The following SOX5 variants were observed in gnomAD, a reference collection of about 807,000 sequenced individuals.
SOX5 encodes transcription factor SOX-5.
SOX5 carries 9 observed loss-of-function variants against 92.0 expected under a neutral mutation model. The ratio of observed to expected loss-of-function variants is 0.10; its 90% confidence interval spans 0.06 to 0.17. SOX5 has a LOEUF of 0.17. Ranked by LOEUF, SOX5 falls within the 10% of genes least tolerant of loss-of-function variation. The pLI, the probability that SOX5 is intolerant of heterozygous loss-of-function variation, is 1.00. For missense variants in SOX5, 642 were observed against 944.5 expected, an observed-to-expected ratio of 0.68 and a Z score of 4.20; for synonymous variants, 344 against 336.3, an observed-to-expected ratio of 1.02 and a Z score of -0.25.
chr12:24,205,149 C>G (rs1288685148), intron 4 of SOX5, among the ~76,000 whole-genome samples: 1 of 152,180 alleles, frequency 6.6e-6, no homozygotes, highest in Non-Finnish European at 1.5e-5. Flanking sequence ...AAGATCTATA[C>G]TCACATTACA....
intron 4 of SOX5, among the ~76,000 whole-genome samples, chr12:24,130,966 C>T (rs1361434105): frequency 6.6e-6 from 1 of 152,144 alleles, no homozygotes; most frequent in Non-Finnish European, 1.5e-5. Flanking sequence ...ATTCCTGAAA[C>T]CTGTACTGCC....
At chr12:24,353,693 T>G (rs1240850659) in intron 2 of SOX5, among the ~76,000 whole-genome samples, 2 of 151,930 alleles carry the variant, frequency 1.3e-5, no homozygotes, top group Non-Finnish European at 2.9e-5. Flanking sequence ...CAGGCTGGAG[T>G]GCAGTGGTGG....
chr12:24,133,331 C>T (rs1200404527), intron 4 of SOX5, among the ~76,000 whole-genome samples: 1 of 152,154 alleles, frequency 6.6e-6, no homozygotes, highest in Admixed American at 6.5e-5. Flanking sequence ...ACAAACTGTC[C>T]TATTGGCTCT....
intron 1 of SOX5, among the ~76,000 whole-genome samples, chr12:24,507,585 T>TA (rs1366513484): frequency 6.6e-6 from 1 of 152,200 alleles, no homozygotes; most frequent in Admixed American, 6.5e-5. Context: ...AATCTAACTG[T>TA]AAAAAAGACT....
intron 8 of SOX5, chr12:23,637,904 A>T (rs139701104): frequency 1.3e-5 from 2 of 152,578 alleles, no homozygotes; most frequent in South Asian, 2.1e-4. Flanking sequence ...TGTTTGCTGC[A>T]GGCTGAGAGG....
At chr12:23,824,614 C>A (rs1302661441) in intron 3 of SOX5, among the ~76,000 whole-genome samples, 2 of 152,186 alleles carry the variant, frequency 1.3e-5, no homozygotes, top group African/African-American at 4.8e-5. Flanking sequence ...AGGAGGCAGT[C>A]TGCCGGGAGA....
intron 1 of SOX5, among the ~76,000 whole-genome samples, chr12:24,418,588 G>A (rs2136900020): frequency 6.6e-6 from 1 of 152,320 alleles, no homozygotes; most frequent in Non-Finnish European, 1.5e-5. Flanking sequence ...CAAGAATATT[G>A]CTGATATACA....
chr12:24,076,699 CTTTTT>C (rs11302877), intron 4 of SOX5, among the ~76,000 whole-genome samples: 1 of 102,880 alleles, frequency 9.7e-6, no homozygotes, highest in African/African-American at 3.6e-5. Context: ...CCAAAGCTGC[CTTTTT>C]TTTTTTTTTT....
chr12:24,547,587 A>G (rs900672903), intron 1 of SOX5, among the ~76,000 whole-genome samples: 1 of 152,242 alleles, frequency 6.6e-6, no homozygotes. Flanking sequence ...TATAGTTGTC[A>G]ATAGGACAAA....
At chr12:23,829,724 A>G (rs2096284567) in intron 3 of SOX5, among the ~76,000 whole-genome samples, 1 of 152,156 alleles carries the variant, frequency 6.6e-6, no homozygotes, top group African/African-American at 2.4e-5. Flanking sequence ...CTGATAGTAG[A>G]CAAACTAATG....
intron 6 of SOX5, among the ~76,000 whole-genome samples, chr12:23,700,136 G>T (rs115139347): frequency 6.6e-6 from 1 of 152,100 alleles, no homozygotes; most frequent in African/African-American, 2.4e-5. Flanking sequence ...TGAAAAGAAT[G>T]TAGAGCAAAG....
At chr12:24,335,714 T>G (rs1003915180) in intron 2 of SOX5, among the ~76,000 whole-genome samples, 1 of 152,020 alleles carries the variant, frequency 6.6e-6, no homozygotes, top group African/African-American at 2.4e-5. Flanking sequence ...TGCTGGCATT[T>G]TGAAAACCAG....
intron 2 of SOX5, among the ~76,000 whole-genome samples, chr12:24,307,440 G>A (rs1676696039): frequency 6.7e-6 from 1 of 148,976 alleles, no homozygotes; most frequent in African/African-American, 2.5e-5. Context: ...ATTTAGTACT[G>A]TATAGCTGGA....
intron 1 of SOX5, among the ~76,000 whole-genome samples, chr12:24,493,222 A>G (rs2138001130): frequency 6.6e-6 from 1 of 152,254 alleles, no homozygotes; most frequent in South Asian, 2.1e-4. Context: ...CTACTGCGCA[A>G]ATTTGAAATC....
chr12:23,930,958 TC>T (rs1483833965), intron 1 of SOX5, among the ~76,000 whole-genome samples: 1 of 151,720 alleles, frequency 6.6e-6, no homozygotes, highest in Non-Finnish European at 1.5e-5. Context: ...TGAACTTACT[TC>T]CCCATTCATA....
At chr12:24,291,029 T>C (rs993013401) in intron 2 of SOX5, among the ~76,000 whole-genome samples, 2 of 152,190 alleles carry the variant, frequency 1.3e-5, no homozygotes, top group Non-Finnish European at 2.9e-5. Flanking sequence ...CAAAGATTAT[T>C]CCTCCCTTCG....
intron 4 of SOX5, among the ~76,000 whole-genome samples, chr12:24,046,327 G>A (rs781518997): frequency 6.6e-6 from 1 of 152,194 alleles, no homozygotes; most frequent in Non-Finnish European, 1.5e-5. Flanking sequence ...GTTCTGAAGA[G>A]CTGAAAGGAG....
At chr12:23,914,138 T>G (rs2097384656) in intron 1 of SOX5, among the ~76,000 whole-genome samples, 1 of 152,212 alleles carries the variant, frequency 6.6e-6, no homozygotes, top group Non-Finnish European at 1.5e-5. Context: ...ATTAATTCAT[T>G]TCCTACAAAA....
At chr12:23,907,683 A>G (rs11613941) in intron 1 of SOX5, among the ~76,000 whole-genome samples, 53,685 of 151,758 alleles carry the variant, frequency 0.35, 10,548 homozygotes, top group Non-Finnish European at 0.46. Flanking sequence ...TATTCACCAT[A>G]TTCATCATGG....
Sources: gnomAD v4.1 joint callset for allele counts (sites outside exome capture counted in the v4.1 genomes callset) on GRCh38, gnomAD v4.1.1 for gene constraint, MANE v1.5 for transcripts, NCBI Gene and HGNC (gene_info 2026-07-23, HGNC 2026-07-21) for gene names.